Variants in MYH6 observed in about 807,000 individuals in gnomAD.
The protein encoded by MYH6 is myosin-6.
A neutral mutation model predicts 223.2 loss-of-function variants in MYH6; 126 were observed. That is an observed-to-expected ratio of 0.56 (90% CI 0.49 to 0.65). The LOEUF (loss-of-function observed/expected upper bound fraction) is 0.65. MYH6 is among the 30% of genes least tolerant of loss of function. The pLI is 0.00. For synonymous variants in MYH6, 978 were observed against 1,010.2 expected, an observed-to-expected ratio of 0.97 and a Z score of 0.61; for missense variants, 2,040 against 2,536.4, an observed-to-expected ratio of 0.80 and a Z score of 4.20.
chr14:23,404,743 G>C lies in MYH6; in HGVS notation c.610C>G (p.Arg204Gly). Reference protein sequence around the residue: ...YFASIAAIGDRGKKDNANANK... With the variant: ...YFASIAAIGDGGKKDNANANK... ...GCATTGGCATTGTCCTTCTTGCCAC[G>C]GTCACCTATGGCTGCAATGCTGGCA... The change falls in exon 7 of 39, where the codon CGT becomes GGT. Residue 204 changes from arginine (R) to glycine (G), a missense_variant. By Grantham distance (125) the Arg-to-Gly change is moderately radical. Transcript: ENST00000405093. 1 of 1,614,076 alleles carries C rather than the reference G, an allele frequency of 6.2e-7. No homozygotes were observed. Among genetic ancestry groups the C allele is most frequent in the Non-Finnish European group, 8.5e-7 (1 of 1,180,002 alleles).
In MYH6 at chr14:23,387,570, C is replaced by T. The variant is rs1469503364; in HGVS notation, c.4609G>A (p.Val1537Met). 3.7e-6 allele frequency: 6 copies of T among 1,614,142 alleles called. No homozygotes were observed. Among genetic ancestry groups the T allele is most frequent in the Non-Finnish European group, 5.1e-6 (6 of 1,180,022 alleles). Reference protein sequence around the residue: ...ELEKVRKQLEVEKLELQSALE... With the variant: ...ELEKVRKQLEMEKLELQSALE... ...GCTGACTGCAGCTCCAGCTTCTCCA[C>T]CTCCAGCTGTTTGCGGACCTTCTCC... Residue 1537 changes from valine to methionine, a missense_variant, in exon 32 of 39, where the codon GTG (valine) becomes ATG (methionine). Physicochemically the swap from Val to Met is conservative, Grantham distance 21. Around this residue, in one of 4 missense-constraint regions of MYH6, gnomAD observed 1,203 missense variants for 1,400.2 expected, o/e 0.86. Transcript: ENST00000405093.
At position 23,405,836 on chromosome 14, in the gene MYH6, C is replaced by G; in HGVS notation, c.202-66G>C. 6.2e-7 allele frequency: 1 copy of G among 1,601,678 alleles called. No individual in the cohort carries two copies. On this transcript the variant is annotated intron_variant, in intron 3 of 38. Transcript: ENST00000405093. The surrounding 1 kb of genome is among the most constrained non-coding windows in gnomAD (Gnocchi z 4.7). The stretch of plus-strand genomic sequence containing the variant: ...CCCTCCGGGACCCTTGCCAGCACTG[C>G]CCACTGACCTCCTCCCAGGACACAG...
rs1891703147 is a variant in MYH6 at position 23,404,234 on chromosome 14, C to T, written c.735+62G>A. The stretch of plus-strand genomic sequence containing the variant: ...GTACAATCAACTGGGTGTGGCAAAA[C>T]AGCACCCCCTTTTTCTTGTCAAGGC... On this transcript the variant is annotated intron_variant, in intron 8 of 38. Coordinates refer to ENST00000405093, the MANE Select transcript of MYH6 (RefSeq NM_002471.4). 59 of 1,572,112 alleles carry T rather than the reference C, an allele frequency of 3.8e-5. 2 individuals carry two copies. The South Asian group carries it at 6.3e-4, about 17-fold the overall frequency.
rs766491499 is a variant in MYH6 at position 23,403,364 on chromosome 14, C to G, written c.882G>C (p.Lys294Asn). 2.5e-6 allele frequency: 4 copies of G among 1,614,004 alleles called. No individual in the cohort carries two copies. Among genetic ancestry groups the G allele is most frequent in the Middle Eastern group, 1.7e-4 (1 of 6,060 alleles). Reference sequence around the variant, plus strand: ...CAGGTTCACCCAGCAACTCCGGCTTCTTGTTGGACAGAATCTGGTAGAAGA... The same window carrying G: ...CAGGTTCACCCAGCAACTCCGGCTTGTTGTTGGACAGAATCTGGTAGAAGA... ...YHIFYQILSN[K>N]KPELLDMLLV... The change falls in exon 10 of 39, where the codon AAG becomes AAC. Residue 294 changes from lysine (K) to asparagine (N), a missense_variant. This residue lies in a region of MYH6 where 649 missense variants were observed against 877.3 expected (regional missense o/e 0.74). Coordinates refer to ENST00000405093, the MANE Select transcript of MYH6 (RefSeq NM_002471.4).
chr14:23,384,052 G>A (rs1050973984), intron 36 of MYH6, among the ~76,000 whole-genome samples: 1 of 152,020 alleles, frequency 6.6e-6, no homozygotes, highest in Non-Finnish European at 1.5e-5. Flanking sequence ...CTTTCTCTGT[G>A]GCCTTCTCTT....
chr14:23,388,051 T>C, intron 30 of MYH6, 104 bp downstream of exon 30: 2 of 1,596,238 alleles, frequency 1.3e-6, no homozygotes, highest in East Asian at 2.2e-5. Flanking sequence ...AGCCTGGGCT[T>C]AGCCCTCCTC....
In MYH6 at chr14:23,394,153, T is replaced by C. The variant is rs143284278; in HGVS notation, c.2600A>G (p.Lys867Arg). 14 of 1,614,136 alleles carry C rather than the reference T, an allele frequency of 8.7e-6. No homozygotes were observed. The African/African-American group carries it at 1.7e-4, about 20-fold the overall frequency. ...EFGRIKETLE[K>R]SEARRKELEE... ...CAGCTCCTTGCGGCGAGCCTCGGAC[T>C]TCTCCAGCGTCTCTTTGATGCGCCC... Residue 867 changes from lysine to arginine, a missense_variant, in exon 21 of 39, where the codon AAG becomes AGG. Physicochemically the swap from Lys to Arg is conservative, Grantham distance 26. This residue lies in a region of MYH6 where 1,203 missense variants were observed against 1,400.2 expected (regional missense o/e 0.86). Coordinates refer to ENST00000405093, the MANE Select transcript of MYH6 (RefSeq NM_002471.4).
At position 23,397,630 on chromosome 14, in the gene MYH6, GAA is replaced by G; in HGVS notation, c.1892-19_1892-18del. ...CACTGTCCCCTAAACAGCGAGAGGAGAAATAATCAACAGGAGCTGGAAAATAA... is the reference window on the plus strand; with the variant it reads ...CACTGTCCCCTAAACAGCGAGAGGAGATAATCAACAGGAGCTGGAAAATAA... On this transcript the variant is annotated intron_variant, in intron 15 of 38. Transcript: ENST00000405093. 2.5e-6 allele frequency: 4 copies of G among 1,613,520 alleles called. No homozygotes were observed. Among genetic ancestry groups the G allele is most frequent in the Non-Finnish European group, 2.5e-6 (3 of 1,179,496 alleles).
intron 24 of MYH6, 28 bp downstream of exon 24, chr14:23,392,884 G>T (rs1387844169): frequency 6.2e-7 from 1 of 1,611,804 alleles, no homozygotes; most frequent in African/African-American, 1.3e-5. Context: ...ACCTCCATTA[G>T]CCCCTCCTGG....
rs772117543 is a variant in MYH6, at chr14:23,405,140, AGAG to A, written c.503-16_503-14del. ...TGGTTCTCCCGATCTGGAAGAAAAA[AGAG>A]GAGAAGCAATGGGGTCAGGGCTGAG... is the stretch of plus-strand genomic sequence containing the variant. On this transcript the variant is annotated splice_polypyrimidine_tract_variant and intron_variant, in intron 5 of 38. Coordinates refer to ENST00000405093, the MANE Select transcript of MYH6 (RefSeq NM_002471.4). The surrounding 1 kb of genome is among the most constrained non-coding windows in gnomAD (Gnocchi z 4.7). 7 of 1,613,990 alleles carry A rather than the reference AGAG, an allele frequency of 4.3e-6. No individual in the cohort carries two copies. The highest frequency in any genetic ancestry group is 1.3e-5 in the African/African-American group (1 of 75,016).
At chr14:23,393,943 A>G (rs28730773) in intron 21 of MYH6, 35 bp from the exon 22 acceptor site, 28,095 of 1,614,006 alleles carry the variant, frequency 0.017, 1,157 homozygotes, top group African/African-American at 0.16. Flanking sequence ...GCTGATGGTT[A>G]AAGAGAGGAG....
At position 23,400,792 on chromosome 14, in the gene MYH6, G is replaced by A. The variant is rs182373896; in HGVS notation, c.1327C>T (p.Arg443Cys). Reference protein sequence around the residue: ...YEKMFNWMVTRINATLETKQP... With the variant: ...YEKMFNWMVTCINATLETKQP... Reference sequence around the variant, plus strand: ...TTGGTCTCCAGGGTGGCGTTGATGCGCGTCACCATCCAGTTGAACATCTTC... The same window carrying A: ...TTGGTCTCCAGGGTGGCGTTGATGCACGTCACCATCCAGTTGAACATCTTC... The change falls in exon 13 of 39, where the codon CGC becomes TGC. Residue 443 changes from arginine to cysteine, a missense_variant. This residue lies in a region of MYH6 where 649 missense variants were observed against 877.3 expected (regional missense o/e 0.74). Coordinates refer to ENST00000405093, the MANE Select transcript of MYH6 (RefSeq NM_002471.4). 2.7e-5 allele frequency: 43 copies of A among 1,614,202 alleles called. No homozygotes were observed. Among genetic ancestry groups the A allele is most frequent in the East Asian group, 2.5e-4 (11 of 44,880 alleles).
intron 34 of MYH6, 139 bp from the exon 35 acceptor site, chr14:23,385,180 G>A: frequency 3.0e-6 from 3 of 1,013,882 alleles, no homozygotes; most frequent in African/African-American, 1.6e-5. Flanking sequence ...TGATCGTTTT[G>A]TACCTGCTTT....
chr14:23,395,595 T>C (rs422068), intron 20 of MYH6, among the ~76,000 whole-genome samples: 63,292 of 151,922 alleles, frequency 0.42, 14,572 homozygotes, highest in African/African-American at 0.62. Flanking sequence ...GGCTCGATCT[T>C]GGCTCACTGC....
At chr14:23,382,691 T>C (rs1890896494) in intron 37 of MYH6, 129 bp from the exon 38 acceptor site, 3 of 1,356,084 alleles carry the variant, frequency 2.2e-6, no homozygotes, top group Non-Finnish European at 2.1e-6. Context: ...TGCAACAGCC[T>C]TCCCAAGGGT....
intron 20 of MYH6, 85 bp from the exon 21 acceptor site, chr14:23,394,408 C>T (rs554244675): frequency 2.7e-5 from 42 of 1,554,468 alleles, no homozygotes; most frequent in Admixed American, 9.0e-5. Context: ...TTCGTAGGCA[C>T]GTAGACTTCC....
intron 25 of MYH6, among the ~76,000 whole-genome samples, chr14:23,391,508 AC>A (rs1351293408): frequency 2.6e-5 from 4 of 152,374 alleles, no homozygotes; most frequent in African/African-American, 9.6e-5. Flanking sequence ...AGGGCAAATT[AC>A]TAATGAAGGC....
At position 23,384,913 on chromosome 14, in the gene MYH6, T is replaced by G; in HGVS notation, c.5289+3A>C. ...GGGAGGCGGAAGGTGGGCGGTCACT[T>G]ACATCCGTGATGGCCTTCTTGGCCT... On this transcript the variant is annotated splice_donor_region_variant and intron_variant, in intron 35 of 38. Coordinates refer to ENST00000405093, the MANE Select transcript of MYH6 (RefSeq NM_002471.4). 6.2e-7 allele frequency: 1 copy of G among 1,614,040 alleles called. No homozygotes were observed.
rs202138318 is a variant in MYH6, at chr14:23,385,924, T to G, written c.5163+4A>C. On this transcript the variant is annotated splice_donor_region_variant and intron_variant, in intron 34 of 38. Transcript: ENST00000405093. Reference sequence around the variant, plus strand: ...TTCCACAAGGTGGCTCCTGACCCCCTCACCTGGGAATGCAGCAGCTGCACC... The same window carrying G: ...TTCCACAAGGTGGCTCCTGACCCCCGCACCTGGGAATGCAGCAGCTGCACC... 1 of 1,614,162 alleles carries G rather than the reference T, an allele frequency of 6.2e-7. No homozygotes were observed. Among genetic ancestry groups the G allele is most frequent in the Admixed American group, 1.7e-5 (1 of 60,020 alleles).
Sources: allele counts gnomAD v4.1 joint callset (sites outside exome capture counted in the v4.1 genomes callset), GRCh38; gene constraint gnomAD v4.1.1; regional missense constraint gnomAD v4.1.1; non-coding constraint Gnocchi (gnomAD v3.1); transcripts MANE v1.5; gene names NCBI Gene and HGNC (gene_info 2026-07-23, HGNC 2026-07-21).